Variants in TRMT11 observed in about 807,000 individuals in gnomAD.
TRMT11 encodes tRNA methyltransferase 11, also known as tRNA (guanine(10)-N(2))-methyltransferase TRMT11.
A neutral mutation model predicts 62.8 loss-of-function variants in TRMT11; 53 were observed. That is an observed-to-expected ratio of 0.84 (90% CI 0.68 to 1.06). TRMT11 has a LOEUF of 1.06. Ranked by LOEUF, TRMT11 falls within the 50% of genes least tolerant of loss-of-function variation. TRMT11 has a pLI of 0.00. For synonymous variants in TRMT11, 188 were observed against 190.3 expected, an observed-to-expected ratio of 0.99 and a Z score of 0.10; for missense variants, 556 against 553.4, an observed-to-expected ratio of 1.00 and a Z score of -0.05.
chr6:126,214,528 G>C, the TRMT11 span, among the ~76,000 whole-genome samples: 1 of 151,878 alleles, frequency 6.6e-6, no homozygotes, highest in African/African-American at 2.4e-5. Flanking sequence ...GCACGTAGTT[G>C]CTCATAGTAG....
chr6:126,181,110 A>C (rs992779627), intron 1 of TRMT11, among the ~76,000 whole-genome samples: 2 of 152,214 alleles, frequency 1.3e-5, no homozygotes, highest in Non-Finnish European at 2.9e-5. Context: ...GGCTAAAAAC[A>C]TGAAACTCTT....
chr6:126,101,123 G>T (rs568591705), intron 17 of TRMT11, among the ~76,000 whole-genome samples: 2 of 152,234 alleles, frequency 1.3e-5, no homozygotes, highest in South Asian at 4.2e-4. Context: ...GTGCGGACTG[G>T]TTCCTAACAG....
intron 21 of TRMT11, among the ~76,000 whole-genome samples, chr6:126,146,352 C>A (rs1261361073): frequency 6.6e-6 from 1 of 152,226 alleles, no homozygotes; most frequent in South Asian, 2.1e-4. Context: ...ACACTCTGGC[C>A]TATTTGCTCC....
At chr6:126,257,856 C>T in the TRMT11 span, 3 of 1,194,960 alleles carry the variant, frequency 2.5e-6, no homozygotes, top group Non-Finnish European at 3.7e-6. Context: ...GCTGGTATTG[C>T]TCTTGCTATG....
chr6:126,134,983 A>G (rs895964181), intron 21 of TRMT11, among the ~76,000 whole-genome samples: 3 of 151,816 alleles, frequency 2.0e-5, no homozygotes, highest in Non-Finnish European at 4.4e-5. Context: ...CCTATGAGAT[A>G]CAGAAAAAGC....
rs147365300 is a variant in TRMT11 at position 126,013,096 on chromosome 6, G to A, written c.1134G>A (p.Thr378=). ...GRLVYWLPVY[T]PEYTEEMVPW... ...TAGTCTATTGGTTACCGGTGTATAC[G>A]CCAGAGTATGTAATCTTAATTTTAT... Residue 378 remains threonine, a synonymous_variant, in exon 11 of 13, where the codon ACG becomes ACA. Coordinates refer to ENST00000334379, the MANE Select transcript of TRMT11 (RefSeq NM_001031712.3). 1.3e-5 allele frequency: 21 copies of A among 1,608,382 alleles called. No homozygotes were observed. The Middle Eastern group carries it at 9.9e-4, about 76-fold the overall frequency.
chr6:126,001,762 A>G (rs534043825), intron 7 of TRMT11, among the ~76,000 whole-genome samples: 1 of 152,036 alleles, frequency 6.6e-6, no homozygotes, highest in South Asian at 2.1e-4. Flanking sequence ...TTTTACTTTG[A>G]TGGTTTCAAA....
intron 21 of TRMT11, among the ~76,000 whole-genome samples, chr6:126,139,531 G>A (rs1389805923): frequency 6.6e-6 from 1 of 151,800 alleles, no homozygotes; most frequent in Non-Finnish European, 1.5e-5. Flanking sequence ...ACCACACCTG[G>A]CTAATTTTTG....
At chr6:126,059,181 G>C (rs1386504154) in intron 17 of TRMT11, among the ~76,000 whole-genome samples, 1 of 151,374 alleles carries the variant, frequency 6.6e-6, no homozygotes, top group African/African-American at 2.4e-5. Flanking sequence ...ACTGCACCCA[G>C]CCTACCTCTA....
Position 126,052,173 on chromosome 6 carries a change from C to T in TRMT11, c.*1370-950C>T, listed in dbSNP as rs139593528. Reference sequence around the variant, plus strand: ...TTTGGGTGATGTGCTTCTGCCCAAACTGGATGGGTGGACGTGCTCTATTTG... The same window carrying T: ...TTTGGGTGATGTGCTTCTGCCCAAATTGGATGGGTGGACGTGCTCTATTTG... On this transcript the variant is annotated intron_variant and NMD_transcript_variant, in intron 16 of 22. Transcript: ENST00000648977. Among the ~76,000 whole-genome samples, 559 of 152,276 alleles carry T rather than the reference C, an allele frequency of 3.7e-3. 3 individuals are homozygous for T. Among genetic ancestry groups the T allele is most frequent in the Middle Eastern group, 0.01 (3 of 294 alleles).
chr6:126,079,204 G>C (rs184347371), intron 17 of TRMT11, among the ~76,000 whole-genome samples: 1 of 151,980 alleles, frequency 6.6e-6, no homozygotes, highest in South Asian at 2.1e-4. Flanking sequence ...ATTTTTCTAC[G>C]GTAGGGGATT....
At chr6:126,062,778 T>C (rs373166905) in intron 17 of TRMT11, among the ~76,000 whole-genome samples, 3 of 152,352 alleles carry the variant, frequency 2.0e-5, no homozygotes, top group Non-Finnish European at 4.4e-5. Context: ...CTTTATTTTT[T>C]ATTAGTGAAT....
intron 21 of TRMT11, among the ~76,000 whole-genome samples, chr6:126,139,579 A>G (rs1001770341): frequency 6.6e-6 from 1 of 151,770 alleles, no homozygotes; most frequent in African/African-American, 2.4e-5. Flanking sequence ...ATGTTGGCCA[A>G]TCTGGTCTTG....
chr6:126,062,253 G>A (rs113922039), intron 17 of TRMT11, among the ~76,000 whole-genome samples: 31 of 152,270 alleles, frequency 2.0e-4, no homozygotes, highest in African/African-American at 5.8e-4. Flanking sequence ...CCAAAGAATC[G>A]TAGCTGAGCA....
chr6:126,174,406 G>A (rs1778362649), upstream of TRMT11, among the ~76,000 whole-genome samples: 1 of 152,098 alleles, frequency 6.6e-6, no homozygotes, highest in South Asian at 2.1e-4. Context: ...GACATCTGCT[G>A]GGCTACCATG....
chr6:126,215,589 A>G, the TRMT11 span, among the ~76,000 whole-genome samples: 1 of 151,774 alleles, frequency 6.6e-6, no homozygotes, highest in African/African-American at 2.4e-5. Context: ...TTTATAAGTG[A>G]TGTGTTTTCT....
the TRMT11 span, among the ~76,000 whole-genome samples, chr6:126,256,927 C>A: frequency 6.6e-6 from 1 of 151,910 alleles, no homozygotes; most frequent in African/African-American, 2.4e-5. Context: ...GCTCTGTCAC[C>A]CAGGCTGGAG....
At chr6:125,992,679 C>T (rs1006682748) in intron 1 of TRMT11, among the ~76,000 whole-genome samples, 12 of 152,114 alleles carry the variant, frequency 7.9e-5, no homozygotes, top group South Asian at 2.1e-4. Flanking sequence ...AAAGCCACAT[C>T]GCTAGTATTT....
intron 17 of TRMT11, among the ~76,000 whole-genome samples, chr6:126,099,480 A>G (rs2128176395): frequency 6.6e-6 from 1 of 152,346 alleles, no homozygotes; most frequent in South Asian, 2.1e-4. Context: ...GAGATTTTCC[A>G]GATGACTCTG....
Sources: gnomAD v4.1 joint callset for allele counts (sites outside exome capture counted in the v4.1 genomes callset) on GRCh38, gnomAD v4.1.1 for gene constraint, MANE v1.5 for transcripts, NCBI Gene and HGNC (gene_info 2026-07-23, HGNC 2026-07-21) for gene names.